KIF16B: variants seen among roughly 807,000 people sequenced by gnomAD.
The protein encoded by KIF16B is kinesin family member 16B, also known as kinesin-like protein KIF16B.
In KIF16B, 98 loss-of-function variants were observed where a neutral mutation model predicts 156.3. That is an observed-to-expected ratio of 0.63 (90% CI 0.53 to 0.74). KIF16B has a LOEUF of 0.74. KIF16B is among the 30% of genes least tolerant of loss of function. The pLI is 0.00. For missense variants in KIF16B, 1,421 were observed against 1,606.5 expected, an observed-to-expected ratio of 0.88 and a Z score of 1.97; for synonymous variants, 564 against 583.7, an observed-to-expected ratio of 0.97 and a Z score of 0.49.
At chr20:16,286,982 G>A (rs2063232324) in intron 25 of KIF16B, among the ~76,000 whole-genome samples, 1 of 152,204 alleles carries the variant, frequency 6.6e-6, no homozygotes, top group Non-Finnish European at 1.5e-5. Context: ...CCCATAAGTG[G>A]CGTGTCTTGA....
chr20:16,273,797 A>C lies in KIF16B; in HGVS notation c.3796-386T>G, dbSNP rs138781094. Reference sequence around the variant, plus strand: ...TGGAAAGTGCTATCATTGTCATTAAAACCAGCACGTGAGGAATGCCCTCCA... The same window carrying C: ...TGGAAAGTGCTATCATTGTCATTAACACCAGCACGTGAGGAATGCCCTCCA... On this transcript the variant is annotated intron_variant, in intron 25 of 25. Coordinates refer to ENST00000354981, the MANE Select transcript of KIF16B (RefSeq NM_024704.5). Among the ~76,000 whole-genome samples the C allele has an allele frequency of 7.2e-5, 11 of 152,298 alleles. No homozygotes were observed. In the East Asian group the frequency reaches 2.1e-3, roughly 29 times the overall value.
intron 12 of KIF16B, among the ~76,000 whole-genome samples, chr20:16,480,768 C>T (rs931375977): frequency 2.6e-5 from 4 of 152,114 alleles, no homozygotes; most frequent in Admixed American, 6.5e-5. Flanking sequence ...TCTCTTCACA[C>T]TTTGTGTATG....
intron 12 of KIF16B, among the ~76,000 whole-genome samples, chr20:16,432,901 C>T (rs1269274204): frequency 6.6e-6 from 1 of 152,138 alleles, no homozygotes; most frequent in Non-Finnish European, 1.5e-5. Context: ...TCTTCAATTA[C>T]CACTCTTATC....
rs376098051 is a variant in KIF16B, at chr20:16,295,188, C to T, written c.3795+17147G>A. On this transcript the variant is annotated intron_variant, in intron 25 of 25. Transcript: ENST00000354981. ...TAAAGAGCAGCCCATAAGCTCCCAGCTTGCCCAGGGTCATAGTGCATATCC... is the reference window on the plus strand; with the variant it reads ...TAAAGAGCAGCCCATAAGCTCCCAGTTTGCCCAGGGTCATAGTGCATATCC... Among the ~76,000 whole-genome samples the T allele has an allele frequency of 2.6e-5, 4 of 152,292 alleles. No individual in the cohort carries two copies. In the South Asian group the frequency reaches 8.3e-4, roughly 32 times the overall value.
intron 12 of KIF16B, among the ~76,000 whole-genome samples, chr20:16,459,958 A>G (rs551037961): frequency 6.6e-6 from 1 of 152,286 alleles, no homozygotes; most frequent in South Asian, 2.1e-4. Context: ...TCTACTCACA[A>G]ATACCTAGTT....
At chr20:16,493,863 A>C (rs1320445629) in intron 12 of KIF16B, among the ~76,000 whole-genome samples, 2 of 152,234 alleles carry the variant, frequency 1.3e-5, no homozygotes, top group East Asian at 3.8e-4. Context: ...GAAATTTCTG[A>C]AATCTAGCCG....
chr20:16,459,936 AT>A (rs1390273043), intron 12 of KIF16B, among the ~76,000 whole-genome samples: 1 of 152,200 alleles, frequency 6.6e-6, no homozygotes, highest in African/African-American at 2.4e-5. Flanking sequence ...AAATGCATGT[AT>A]GTCTCATGTC....
rs547179410 is a variant in KIF16B, at chr20:16,489,405, C to T, written c.1302+4886G>A. Reference sequence around the variant, plus strand: ...ATGAGGACAAGGAAGCCTAAGACTACTCTGCATTTCCTCAGTGTGTCTAAA... The same window carrying T: ...ATGAGGACAAGGAAGCCTAAGACTATTCTGCATTTCCTCAGTGTGTCTAAA... On this transcript the variant is annotated intron_variant, in intron 12 of 25. Coordinates refer to ENST00000354981, the MANE Select transcript of KIF16B (RefSeq NM_024704.5). Among the ~76,000 whole-genome samples the T allele has an allele frequency of 2.0e-5, 3 of 152,314 alleles. No individual in the cohort carries two copies. In the South Asian group the frequency reaches 6.2e-4, roughly 32 times the overall value.
rs112640297 is a variant in KIF16B at position 16,304,818 on chromosome 20, A to G, written c.3795+7517T>C. On this transcript the variant is annotated intron_variant, in intron 25 of 25. Transcript: ENST00000354981. Reference sequence around the variant, plus strand: ...AAACCAAAAAGGCTCAATCTATAAAAATGTCTAAACCAAATAATTCTATTA... The same window carrying G: ...AAACCAAAAAGGCTCAATCTATAAAGATGTCTAAACCAAATAATTCTATTA... Among the ~76,000 whole-genome samples the G allele has an allele frequency of 3.9e-3, 597 of 152,328 alleles. 1 individual carries two copies. The highest frequency in any genetic ancestry group is 6.7e-3 in the Non-Finnish European group (454 of 68,022).
rs183434644 is a variant in KIF16B, at chr20:16,468,129, C to G, written c.1302+26162G>C. Among the ~76,000 whole-genome samples the G allele has an allele frequency of 1.2e-4, 18 of 152,134 alleles. No individual in the cohort carries two copies. In the East Asian group the frequency reaches 3.5e-3, roughly 29 times the overall value. ...GACCCAACTGTCTATATAAAAAAAG[C>G]CCAGTTTAAATGTAAAAACAAATTA... On this transcript the variant is annotated intron_variant, in intron 12 of 25. Transcript: ENST00000354981.
In KIF16B at chr20:16,440,415, A is replaced by G. The variant is rs140689160; in HGVS notation, c.1303-10433T>C. ...CCCCAAAATCTGTATCTAGCATCAC[A>G]TCAGACAGGCACCTATGATGTCACT... On this transcript the variant is annotated intron_variant, in intron 12 of 25. Coordinates refer to ENST00000354981, the MANE Select transcript of KIF16B (RefSeq NM_024704.5). Among the ~76,000 whole-genome samples the G allele has an allele frequency of 3.9e-3, 594 of 152,276 alleles. 2 individuals are homozygous for G. The highest frequency in any genetic ancestry group is 0.013 in the African/African-American group (556 of 41,562).
At chr20:16,311,071 G>C (rs2063612928) in intron 25 of KIF16B, among the ~76,000 whole-genome samples, 1 of 152,174 alleles carries the variant, frequency 6.6e-6, no homozygotes, top group Admixed American at 6.5e-5. Flanking sequence ...AATTTTAACT[G>C]GCTGTCACCA....
At chr20:16,308,947 C>T (rs868626415) in intron 25 of KIF16B, among the ~76,000 whole-genome samples, 5 of 152,204 alleles carry the variant, frequency 3.3e-5, no homozygotes, top group East Asian at 1.9e-4. Flanking sequence ...TCAGGGCTAC[C>T]GGAAGGAATG....
intron 12 of KIF16B, 89 bp from the exon 13 acceptor site, chr20:16,430,071 A>G (rs2066458965): frequency 6.0e-6 from 8 of 1,324,906 alleles, no homozygotes; most frequent in Non-Finnish European, 2.0e-6. Flanking sequence ...AGAATGGGCA[A>G]TATTTTATTT....
At chr20:16,366,922 G>A (rs2064679239) in intron 22 of KIF16B, 1 of 1,231,150 alleles carries the variant, frequency 8.1e-7, no homozygotes, top group Non-Finnish European at 1.0e-6. Flanking sequence ...AGAAAATGAA[G>A]CAAGGTGATG....
intron 24 of KIF16B, among the ~76,000 whole-genome samples, chr20:16,331,108 G>C (rs1432559218): frequency 6.6e-6 from 1 of 152,224 alleles, no homozygotes; most frequent in East Asian, 1.9e-4. Context: ...TTGTGAGTCT[G>C]AATGCATAGC....
chr20:16,460,702 T>C (rs1414385044), intron 12 of KIF16B, among the ~76,000 whole-genome samples: 1 of 151,708 alleles, frequency 6.6e-6, no homozygotes, highest in African/African-American at 2.4e-5. Context: ...GAGGAACCAA[T>C]GGTCAAAGGC....
At chr20:16,277,016 T>C (rs2063071911) in intron 25 of KIF16B, among the ~76,000 whole-genome samples, 1 of 152,170 alleles carries the variant, frequency 6.6e-6, no homozygotes, top group Non-Finnish European at 1.5e-5. Context: ...TCGTACTCCC[T>C]CCTCCGGTAC....
intron 12 of KIF16B, among the ~76,000 whole-genome samples, chr20:16,437,138 C>T (rs558312024): frequency 6.6e-6 from 1 of 152,256 alleles, no homozygotes; most frequent in South Asian, 2.1e-4. Context: ...GGAATAATGA[C>T]AAGAAAAAAG....
Sources: gnomAD v4.1 joint callset for allele counts (sites outside exome capture counted in the v4.1 genomes callset) on GRCh38, gnomAD v4.1.1 for gene constraint, MANE v1.5 for transcripts, NCBI Gene and HGNC (gene_info 2026-07-23, HGNC 2026-07-21) for gene names.